The following EGFLAM variants were observed in gnomAD, a reference collection of about 807,000 sequenced individuals.
EGFLAM encodes EGF like, fibronectin type III and laminin G domains.
Under a neutral mutation model 113.1 loss-of-function variants are expected in EGFLAM, and 79 were observed. The observed-to-expected ratio is 0.70, with a 90% confidence interval of 0.58 to 0.84. The LOEUF (loss-of-function observed/expected upper bound fraction) is 0.84. EGFLAM is among the 40% of genes least tolerant of loss of function. The probability of loss-of-function intolerance (pLI) is 0.00; values close to 1 mark genes in which losing one functional copy is unlikely to be tolerated. For synonymous variants in EGFLAM, 504 were observed against 487.6 expected (o/e 1.03, Z -0.44); for missense variants, 1,265 against 1,291.6 (o/e 0.98, Z 0.32).
At chr5:38,279,937 C>T (rs1372037972) in intron 1 of EGFLAM, among the ~76,000 whole-genome samples, 2 of 151,994 alleles carry the variant, frequency 1.3e-5, no homozygotes, top group African/African-American at 2.4e-5. Context: ...AACCGTTCCA[C>T]AATGTATATA....
chr5:38,273,912 A>T (rs2111726510), intron 1 of EGFLAM, among the ~76,000 whole-genome samples: 1 of 152,328 alleles, frequency 6.6e-6, no homozygotes, highest in Non-Finnish European at 1.5e-5. Context: ...CCTGACAAAA[A>T]ATTCAAAGTA....
At chr5:38,399,874 C>CA (rs1425718257) in intron 6 of EGFLAM, 1 of 152,224 alleles carries the variant, frequency 6.6e-6, no homozygotes, top group Non-Finnish European at 1.5e-5. Flanking sequence ...CAGGAGAACA[C>CA]AATGCTACAA....
chr5:38,353,620 A>G (rs1410356520), intron 5 of EGFLAM, among the ~76,000 whole-genome samples: 1 of 152,228 alleles, frequency 6.6e-6, no homozygotes, highest in Non-Finnish European at 1.5e-5. Context: ...AGAGTGTTTC[A>G]CACAGGACTT....
chr5:38,318,279 A>T (rs1056864314), intron 1 of EGFLAM, among the ~76,000 whole-genome samples: 4 of 151,692 alleles, frequency 2.6e-5, no homozygotes, highest in Non-Finnish European at 5.9e-5. Context: ...TATACTATCT[A>T]ACTATAGTAT....
chr5:38,334,081 G>A (rs1739123272), intron 1 of EGFLAM, among the ~76,000 whole-genome samples: 1 of 151,750 alleles, frequency 6.6e-6, no homozygotes. Flanking sequence ...CTGCCACCAC[G>A]CCCAGCTAAT....
rs139982499 is a variant in EGFLAM at position 38,344,524 on chromosome 5, C to T, written c.291+5743C>T. Among the ~76,000 whole-genome samples the T allele has an allele frequency of 1.9e-3, 294 of 151,208 alleles. 1 individual carries two copies. Among genetic ancestry groups the T allele is most frequent in the Non-Finnish European group, 3.4e-3 (232 of 67,868 alleles). On this transcript the variant is annotated intron_variant, in intron 3 of 21. Coordinates refer to ENST00000322350, the MANE Select transcript of EGFLAM (RefSeq NM_152403.4). ...AAGAAGAGTCTCATCTTTTCTTGGG[C>T]TCTTCTTACATGGTAACCCAGGTTG...
chr5:38,268,801 G>C (rs915749610), intron 1 of EGFLAM, among the ~76,000 whole-genome samples: 6 of 152,064 alleles, frequency 3.9e-5, no homozygotes, highest in African/African-American at 1.4e-4. Context: ...TTGCAGTAAG[G>C]TTCAAAAATA....
intron 11 of EGFLAM, among the ~76,000 whole-genome samples, chr5:38,413,486 G>GT (rs1741550139): frequency 6.6e-6 from 1 of 151,394 alleles, no homozygotes; most frequent in Non-Finnish European, 1.5e-5. Context: ...GTAGGAAATG[G>GT]TTAAAAAAAA....
chr5:38,310,001 G>T (rs1032928949), intron 1 of EGFLAM, among the ~76,000 whole-genome samples: 2 of 152,190 alleles, frequency 1.3e-5, no homozygotes, highest in Non-Finnish European at 2.9e-5. Context: ...ATTCCAAGTT[G>T]CTAGCACCAT....
chr5:38,348,526 A>C (rs1739533779), intron 3 of EGFLAM, among the ~76,000 whole-genome samples: 1 of 152,188 alleles, frequency 6.6e-6, no homozygotes, highest in South Asian at 2.1e-4. Flanking sequence ...AGCTGCAGAG[A>C]GTCATTAAAG....
chr5:38,462,556 A>G (rs896612230), intron 20 of EGFLAM: 1 of 212,512 alleles, frequency 4.7e-6, no homozygotes, highest in African/African-American at 2.3e-5. Context: ...CATTTTGGAC[A>G]GAATCTCCTC....
At chr5:38,445,359 T>C (rs969713821) in intron 17 of EGFLAM, 2 of 352,456 alleles carry the variant, frequency 5.7e-6, no homozygotes, top group Admixed American at 1.3e-4. Flanking sequence ...AGATTGTCAG[T>C]TGAAGGTGAG....
intron 6 of EGFLAM, chr5:38,401,748 C>T (rs1230048289): frequency 1.3e-5 from 2 of 152,106 alleles, no homozygotes; most frequent in South Asian, 2.1e-4. Flanking sequence ...TGGTTTCTGC[C>T]CTCAAAGGAT....
chr5:38,451,881 A>G lies in EGFLAM; in HGVS notation c.2687+423A>G, dbSNP rs189056803. ...GTGGCAGGCACCTGTAATCCCAGCT[A>G]CTAGGGAGGCTGAGGCAGGAAAATG... On this transcript the variant is annotated intron_variant, in intron 19 of 21. Coordinates refer to ENST00000322350, the MANE Select transcript of EGFLAM (RefSeq NM_152403.4). Among the ~76,000 whole-genome samples, 781 of 151,684 alleles carry G rather than the reference A, an allele frequency of 5.1e-3. 5 individuals are homozygous for G. The highest frequency in any genetic ancestry group is 0.017 in the African/African-American group (703 of 41,386).
chr5:38,463,516 A>AC (rs1361617514), intron 21 of EGFLAM, among the ~76,000 whole-genome samples: 1 of 152,210 alleles, frequency 6.6e-6, no homozygotes, highest in East Asian at 1.9e-4. Flanking sequence ...TTGACATTAT[A>AC]CCACACTTCA....
chr5:38,316,633 T>G (rs1481373617), intron 1 of EGFLAM, among the ~76,000 whole-genome samples: 1 of 152,170 alleles, frequency 6.6e-6, no homozygotes, highest in Non-Finnish European at 1.5e-5. Context: ...TGTTAAAGAT[T>G]CTGCATCTCT....
chr5:38,377,943 A>C (rs1740408646), intron 6 of EGFLAM, among the ~76,000 whole-genome samples: 1 of 152,156 alleles, frequency 6.6e-6, no homozygotes, highest in African/African-American at 2.4e-5. Flanking sequence ...AAGCATTAAC[A>C]TTTCTAGACT....
At chr5:38,263,490 G>A (rs754262313) in intron 1 of EGFLAM, among the ~76,000 whole-genome samples, 1 of 152,060 alleles carries the variant, frequency 6.6e-6, no homozygotes, top group Non-Finnish European at 1.5e-5. Context: ...ACATTGGGAT[G>A]TTTATTTTCT....
At chr5:38,394,806 TC>T (rs1165332637) in intron 6 of EGFLAM, among the ~76,000 whole-genome samples, 1 of 151,936 alleles carries the variant, frequency 6.6e-6, no homozygotes, top group Non-Finnish European at 1.5e-5. Context: ...TCTTACTCTT[TC>T]CTTCTTTTTC....
Sources: gnomAD v4.1 joint callset for allele counts (sites outside exome capture counted in the v4.1 genomes callset) on GRCh38, gnomAD v4.1.1 for gene constraint, MANE v1.5 for transcripts, NCBI Gene and HGNC (gene_info 2026-07-23, HGNC 2026-07-21) for gene names.